The following ASTN2 variants were observed in gnomAD, a reference collection of about 807,000 sequenced individuals.
The protein encoded by ASTN2 is astrotactin-2.
Under a neutral mutation model 139.8 loss-of-function variants are expected in ASTN2, and 54 were observed. The observed-to-expected ratio is 0.39, with a 90% CI of 0.31 to 0.48. The LOEUF (loss-of-function observed/expected upper bound fraction) is 0.48, where lower values mean the gene tolerates loss of function less well. Among genes scored for constraint, ASTN2 ranks in the 20% least tolerant of loss-of-function variants. ASTN2 has a pLI of 0.95. For missense variants in ASTN2, 1,565 were observed against 1,725.1 expected (o/e 0.91, Z 1.64); for synonymous variants, 756 against 719.5 (o/e 1.05, Z -0.81).
At chr9:117,142,999 C>T (rs1293049825) in intron 3 of ASTN2, among the ~76,000 whole-genome samples, 1 of 152,040 alleles carries the variant, frequency 6.6e-6, no homozygotes, top group Non-Finnish European at 1.5e-5. Context: ...GGCTCCTGAA[C>T]AACCCAGTAC....
At chr9:117,000,224 C>T (rs536481973) in intron 7 of ASTN2, among the ~76,000 whole-genome samples, 67 of 152,256 alleles carry the variant, frequency 4.4e-4, no homozygotes, top group Middle Eastern at 3.4e-3. Context: ...AATTATTCTT[C>T]TCATTTTTAG....
chr9:117,162,568 T>G (rs981392621), intron 3 of ASTN2, among the ~76,000 whole-genome samples: 1 of 152,048 alleles, frequency 6.6e-6, no homozygotes, highest in Non-Finnish European at 1.5e-5. Context: ...CTGTATGAGC[T>G]CCAATCCTGG....
At chr9:116,687,293 C>G (rs1352085751) in intron 16 of ASTN2, 17 of 989,026 alleles carry the variant, frequency 1.7e-5, no homozygotes, top group Non-Finnish European at 2.0e-5. Flanking sequence ...GAATTGGCGC[C>G]CGGCAAGGGG....
At chr9:117,061,625 C>A (rs1018262904) in intron 5 of ASTN2, among the ~76,000 whole-genome samples, 107 of 152,180 alleles carry the variant, frequency 7.0e-4, no homozygotes, top group Middle Eastern at 6.8e-3. Context: ...TAGTGGGAGG[C>A]CATAAATCGT....
chr9:116,528,889 T>C (rs1851207767), intron 19 of ASTN2, among the ~76,000 whole-genome samples: 3 of 152,126 alleles, frequency 2.0e-5, no homozygotes, highest in Admixed American at 6.5e-5. Context: ...AGACAAGAGT[T>C]GAGGTTTGTG....
intron 10 of ASTN2, among the ~76,000 whole-genome samples, chr9:116,960,338 T>G (rs1180593550): frequency 3.3e-5 from 5 of 152,212 alleles, no homozygotes; most frequent in African/African-American, 7.2e-5. Flanking sequence ...CTCCCCAGGC[T>G]TAGACTATGC....
intron 22 of ASTN2, among the ~76,000 whole-genome samples, chr9:116,426,498 A>G (rs534649849): frequency 6.6e-6 from 1 of 152,290 alleles, no homozygotes; most frequent in African/African-American, 2.4e-5. Flanking sequence ...TTTAGCCTTT[A>G]TAACTATCCT....
chr9:116,918,760 T>C (rs553513372), intron 10 of ASTN2, among the ~76,000 whole-genome samples: 1 of 152,298 alleles, frequency 6.6e-6, no homozygotes, highest in East Asian at 1.9e-4. Flanking sequence ...TTAGGTTTAA[T>C]AGGAAGCTGG....
intron 11 of ASTN2, among the ~76,000 whole-genome samples, chr9:116,828,871 C>G (rs529731628): frequency 6.6e-6 from 1 of 152,088 alleles, no homozygotes; most frequent in Non-Finnish European, 1.5e-5. Context: ...TTTCTATACA[C>G]CAATCTAGCT....
intron 3 of ASTN2, chr9:117,180,626 T>C (rs1831036721): frequency 1.7e-6 from 2 of 1,153,370 alleles, no homozygotes; most frequent in Middle Eastern, 2.6e-4. Flanking sequence ...ATCTGGAGTA[T>C]CTTTTTTTTT....
intron 10 of ASTN2, among the ~76,000 whole-genome samples, chr9:116,936,817 C>CT (rs5900239): frequency 0.21 from 32,164 of 152,044 alleles, 3,591 homozygotes; most frequent in Admixed American, 0.29. Flanking sequence ...CTGCCCAAGG[C>CT]TTGGCACACC....
intron 3 of ASTN2, among the ~76,000 whole-genome samples, chr9:117,163,400 G>A (rs1003645097): frequency 2.0e-4 from 30 of 152,064 alleles, no homozygotes; most frequent in African/African-American, 6.8e-4. Flanking sequence ...AAAAACTAAT[G>A]CCATAATACT....
At chr9:117,052,012 A>G in intron 5 of ASTN2, among the ~76,000 whole-genome samples, 1 of 152,210 alleles carries the variant, frequency 6.6e-6, no homozygotes, top group Admixed American at 6.5e-5. Context: ...ATGGCAGAGG[A>G]AAGAAAATTG....
chr9:116,789,070 C>G (rs115432389), intron 13 of ASTN2, among the ~76,000 whole-genome samples: 3,284 of 152,200 alleles, frequency 0.022, 47 homozygotes, highest in African/African-American at 0.045. Context: ...TTCCCAGTGG[C>G]TGGGTCCTCA....
chr9:117,412,957 T>C (rs1831209756), intron 1 of ASTN2, among the ~76,000 whole-genome samples: 1 of 152,026 alleles, frequency 6.6e-6, no homozygotes, highest in African/African-American at 2.4e-5. Flanking sequence ...TGTGTGTGTC[T>C]GTGTGTGTGT....
At chr9:117,225,012 A>C (rs575095746) in intron 2 of ASTN2, among the ~76,000 whole-genome samples, 1 of 152,206 alleles carries the variant, frequency 6.6e-6, no homozygotes, top group Non-Finnish European at 1.5e-5. Flanking sequence ...AGGGTCTGAC[A>C]CTGAGTAGCC....
chr9:117,256,521 T>A (rs528263804), intron 2 of ASTN2, among the ~76,000 whole-genome samples: 1 of 152,270 alleles, frequency 6.6e-6, no homozygotes, highest in African/African-American at 2.4e-5. Flanking sequence ...GTTGCCAAGA[T>A]CATACAATCA....
intron 11 of ASTN2, among the ~76,000 whole-genome samples, chr9:116,832,489 C>G (rs1375535873): frequency 6.6e-6 from 1 of 152,040 alleles, no homozygotes; most frequent in Non-Finnish European, 1.5e-5. Context: ...TCAGCTGTAG[C>G]TCTTTTATTG....
chr9:116,644,665 A>G (rs1857501807), intron 17 of ASTN2, among the ~76,000 whole-genome samples: 1 of 152,194 alleles, frequency 6.6e-6, no homozygotes, highest in African/African-American at 2.4e-5. Context: ...AGATTTTAAT[A>G]GCCCTATCTG....
Sources: allele counts gnomAD v4.1 joint callset (sites outside exome capture counted in the v4.1 genomes callset), GRCh38; gene constraint gnomAD v4.1.1; transcripts MANE v1.5; gene names NCBI Gene and HGNC (gene_info 2026-07-23, HGNC 2026-07-21).